Variants in SLC35F1 observed in about 807,000 individuals in gnomAD.
SLC35F1 encodes chromosome 6 open reading frame 169.
SLC35F1 carries 14 observed loss-of-function variants against 48.7 expected under a neutral mutation model. That is an observed-to-expected ratio of 0.29 (90% CI 0.19 to 0.45). The LOEUF (loss-of-function observed/expected upper bound fraction) is 0.45, where lower values mean the gene tolerates loss of function less well. Among genes scored for constraint, SLC35F1 ranks in the 20% least tolerant of loss-of-function variants. SLC35F1 has a pLI of 1.00. For missense variants in SLC35F1, 404 were observed against 500.0 expected, an observed-to-expected ratio of 0.81 and a Z score of 1.83; for synonymous variants, 190 against 202.2, an observed-to-expected ratio of 0.94 and a Z score of 0.51.
chr6:118,135,886 C>T (rs561849901), intron 1 of SLC35F1, among the ~76,000 whole-genome samples: 5 of 149,652 alleles, frequency 3.3e-5, no homozygotes, highest in African/African-American at 1.3e-4. Flanking sequence ...TGGTGTCTTC[C>T]ATCAGGTCCC....
chr6:118,286,448 TGA>T (rs1037652075), intron 7 of SLC35F1, among the ~76,000 whole-genome samples: 14 of 152,200 alleles, frequency 9.2e-5, no homozygotes, highest in African/African-American at 3.4e-4. Context: ...GGATTACTAC[TGA>T]GAGAAGCAAA....
At chr6:117,923,763 G>GTATATATGTACATATATGTACATATATA (rs1775969946) in intron 1 of SLC35F1, among the ~76,000 whole-genome samples, 1 of 18,080 alleles carries the variant, frequency 5.5e-5, no homozygotes, top group Non-Finnish European at 9.5e-5. Context: ...ATATACATAT[G>GTATATATGTACATATATGTACATATATA]CACATACATA....
chr6:118,211,453 A>T (rs555297029), intron 2 of SLC35F1, among the ~76,000 whole-genome samples: 11 of 152,336 alleles, frequency 7.2e-5, no homozygotes, highest in African/African-American at 2.4e-4. Context: ...AATGATTATC[A>T]TGTGCATACT....
At chr6:118,226,888 G>A (rs1338622947) in intron 2 of SLC35F1, among the ~76,000 whole-genome samples, 1 of 152,126 alleles carries the variant, frequency 6.6e-6, no homozygotes, top group Non-Finnish European at 1.5e-5. Context: ...TATTTAAAAT[G>A]ATGGTTATCC....
chr6:118,160,888 G>C (rs1479835149), intron 2 of SLC35F1, among the ~76,000 whole-genome samples: 1 of 148,322 alleles, frequency 6.7e-6, no homozygotes, highest in African/African-American at 2.5e-5. Context: ...TGCCAAGAAA[G>C]TATCCTGCTA....
intron 2 of SLC35F1, among the ~76,000 whole-genome samples, chr6:118,235,165 T>C (rs991372284): frequency 5.3e-5 from 8 of 152,216 alleles, no homozygotes; most frequent in Non-Finnish European, 1.2e-4. Context: ...TTTGGAATGT[T>C]GTGTTTATGC....
At chr6:118,309,247 TGTAG>T (rs1776346621) in intron 7 of SLC35F1, among the ~76,000 whole-genome samples, 3 of 151,760 alleles carry the variant, frequency 2.0e-5, no homozygotes, top group Admixed American at 1.3e-4. Context: ...CCAGGTGTAG[TGTAG>T]TGGCAGGACC....
intron 1 of SLC35F1, among the ~76,000 whole-genome samples, chr6:117,930,763 C>G (rs1374023810): frequency 6.6e-6 from 1 of 152,184 alleles, no homozygotes; most frequent in Non-Finnish European, 1.5e-5. Context: ...CTCTTAGTAA[C>G]TCACTGCAGT....
chr6:118,240,833 G>T (rs1022630343), intron 3 of SLC35F1, among the ~76,000 whole-genome samples: 2 of 152,166 alleles, frequency 1.3e-5, no homozygotes, highest in African/African-American at 4.8e-5. Context: ...TTCCGAGCAG[G>T]GTCGTGTCTG....
intron 1 of SLC35F1, among the ~76,000 whole-genome samples, chr6:118,088,795 T>C (rs1773030082): frequency 6.6e-6 from 1 of 152,094 alleles, no homozygotes; most frequent in East Asian, 1.9e-4. Flanking sequence ...CATAAAGATG[T>C]GTTAGCCCAG....
intron 2 of SLC35F1, among the ~76,000 whole-genome samples, chr6:118,169,803 T>C (rs867235946): frequency 2.1e-4 from 32 of 152,216 alleles, no homozygotes; most frequent in African/African-American, 7.7e-4. Flanking sequence ...AAAGTGATTA[T>C]TTTCCATTTC....
At chr6:118,013,941 G>A (rs1248875859) in intron 1 of SLC35F1, among the ~76,000 whole-genome samples, 8 of 152,142 alleles carry the variant, frequency 5.3e-5, no homozygotes, top group African/African-American at 1.9e-4. Context: ...ACAGTGTTGG[G>A]TGTTATACAA....
intron 2 of SLC35F1, among the ~76,000 whole-genome samples, chr6:118,179,964 G>T (rs1042874575): frequency 6.6e-6 from 1 of 152,136 alleles, no homozygotes; most frequent in African/African-American, 2.4e-5. Context: ...GAGACCTAGA[G>T]TAAATCCAGG....
At chr6:118,247,136 C>T (rs903115024) in intron 3 of SLC35F1, among the ~76,000 whole-genome samples, 2 of 152,220 alleles carry the variant, frequency 1.3e-5, no homozygotes, top group African/African-American at 4.8e-5. Context: ...ACCATCCCAT[C>T]TTCTTATACA....
intron 3 of SLC35F1, among the ~76,000 whole-genome samples, chr6:118,259,692 G>A (rs554563929): frequency 5.2e-5 from 4 of 77,512 alleles, no homozygotes; most frequent in African/African-American, 1.6e-4. Context: ...CACCCAGCAG[G>A]ATAGCAAAAA....
At chr6:118,291,242 TACACACACACACACAC>T (rs10603708) in intron 7 of SLC35F1, among the ~76,000 whole-genome samples, 2,839 of 148,700 alleles carry the variant, frequency 0.019, 104 homozygotes, top group African/African-American at 0.066. Context: ...GTATCATGTA[TACACACACACACACAC>T]ACACACACAC....
chr6:117,973,356 A>G (rs1012411071), intron 1 of SLC35F1, among the ~76,000 whole-genome samples: 2 of 152,052 alleles, frequency 1.3e-5, no homozygotes, highest in Non-Finnish European at 2.9e-5. Flanking sequence ...ACTTCAACAT[A>G]TGGATTTGGG....
intron 1 of SLC35F1, among the ~76,000 whole-genome samples, chr6:118,012,848 T>C (rs549327749): frequency 5.8e-4 from 89 of 152,328 alleles, no homozygotes; most frequent in Middle Eastern, 3.4e-3. Flanking sequence ...TAGCTGCAAA[T>C]TTTCCAAGCA....
At position 118,281,780 on chromosome 6, in the gene SLC35F1, G is replaced by A. The variant is rs556666439; in HGVS notation, c.848-3404G>A. Among the ~76,000 whole-genome samples, 4 of 152,224 alleles carry A rather than the reference G, an allele frequency of 2.6e-5. No individual in the cohort carries two copies. The South Asian group carries it at 8.3e-4, about 32-fold the overall frequency. On this transcript the variant is annotated intron_variant, in intron 6 of 7. Transcript: ENST00000360388. The stretch of plus-strand genomic sequence containing the variant: ...ACCCATTTGAACACCTTTGTAACTT[G>A]TACTCCATATAACATATCCTCTATT...
Sources: allele counts gnomAD v4.1 joint callset (sites outside exome capture counted in the v4.1 genomes callset), GRCh38; gene constraint gnomAD v4.1.1; transcripts MANE v1.5; gene names NCBI Gene and HGNC (gene_info 2026-07-23, HGNC 2026-07-21).